The following DNAH14 variants were observed in gnomAD, a reference collection of about 807,000 sequenced individuals.
The protein encoded by DNAH14 is dynein axonemal heavy chain 14, also known as axonemal beta dynein heavy chain 14.
In DNAH14, 478 loss-of-function variants were observed where a neutral mutation model predicts 520.9. The ratio of observed to expected loss-of-function variants is 0.92; its 90% confidence interval spans 0.85 to 0.99. DNAH14 has a LOEUF of 0.99. Among genes scored for constraint, DNAH14 ranks in the 50% least tolerant of loss-of-function variants. The pLI is 0.00. For missense variants in DNAH14, 4,831 were observed against 5,234.5 expected, an observed-to-expected ratio of 0.92 and a Z score of 2.38; for synonymous variants, 1,581 against 1,757.2, an observed-to-expected ratio of 0.90 and a Z score of 2.51.
chr1:225,164,434 C>T (rs73135009), intron 35 of DNAH14, among the ~76,000 whole-genome samples: 1,976 of 151,974 alleles, frequency 0.013, 36 homozygotes, highest in African/African-American at 0.045. Flanking sequence ...TATTGATGGC[C>T]TTTGTTTTCT....
chr1:225,030,664 G>A (rs1214483314), intron 11 of DNAH14, among the ~76,000 whole-genome samples: 2 of 151,820 alleles, frequency 1.3e-5, no homozygotes, highest in African/African-American at 4.8e-5. Flanking sequence ...CTAACATCTG[G>A]TAGAAAATTG....
intron 23 of DNAH14, among the ~76,000 whole-genome samples, chr1:225,103,353 G>A (rs777682146): frequency 1.3e-5 from 2 of 152,192 alleles, no homozygotes; most frequent in African/African-American, 2.4e-5. Context: ...TTTTGGCTTA[G>A]CATTGACTTG....
chr1:224,984,561 G>T (rs2062491703), intron 8 of DNAH14, among the ~76,000 whole-genome samples: 1 of 152,292 alleles, frequency 6.6e-6, no homozygotes, highest in South Asian at 2.1e-4. Context: ...TTAAACTAAA[G>T]AGCTCTTGCA....
chr1:225,227,103 C>T (rs186920337), intron 41 of DNAH14, among the ~76,000 whole-genome samples: 1 of 151,996 alleles, frequency 6.6e-6, no homozygotes, highest in Non-Finnish European at 1.5e-5. Context: ...GAGACAGATG[C>T]CTTCCTCTTA....
intron 82 of DNAH14, 95 bp from the exon 83 acceptor site, chr1:225,389,635 AAAGT>A: frequency 7.3e-7 from 1 of 1,362,798 alleles, no homozygotes; most frequent in Non-Finnish European, 9.9e-7. Context: ...ATCGAAATGA[AAAGT>A]AAAAGAAGGG....
intron 60 of DNAH14, among the ~76,000 whole-genome samples, chr1:225,311,167 G>A (rs1344562945): frequency 6.6e-6 from 1 of 152,098 alleles, no homozygotes; most frequent in Non-Finnish European, 1.5e-5. Flanking sequence ...GTATCTCATT[G>A]TGGTTTTGAT....
chr1:225,216,432 A>C (rs1454837340), intron 41 of DNAH14, among the ~76,000 whole-genome samples: 1 of 152,074 alleles, frequency 6.6e-6, no homozygotes, highest in Non-Finnish European at 1.5e-5. Context: ...CTGAATTTGA[A>C]TGTTGGCCTG....
At position 225,254,496 on chromosome 1, in the gene DNAH14, T is replaced by C. The variant is rs571739957; in HGVS notation, c.6865+2079T>C. 3.9e-5 allele frequency among the ~76,000 whole-genome samples: 6 copies of C among 152,316 alleles called. No individual in the cohort carries two copies. In the East Asian group the frequency reaches 7.7e-4, roughly 20 times the overall value. On this transcript the variant is annotated intron_variant, in intron 44 of 85. Coordinates refer to ENST00000682510, the MANE Select transcript of DNAH14 (RefSeq NM_001367479.1). The stretch of plus-strand genomic sequence containing the variant: ...GCTGTGATATCTGGGAGACAGACCA[T>C]GTGCTGTAACTCTAGGGAAAGTGGC...
chr1:225,080,143 C>A (rs528075140), intron 18 of DNAH14, among the ~76,000 whole-genome samples: 6 of 152,256 alleles, frequency 3.9e-5, no homozygotes, highest in African/African-American at 1.4e-4. Flanking sequence ...GTGACTTTTA[C>A]CATAGGCTTC....
At chr1:225,390,878 A>T (rs1440276997) in intron 83 of DNAH14, among the ~76,000 whole-genome samples, 2 of 152,096 alleles carry the variant, frequency 1.3e-5, no homozygotes, top group Non-Finnish European at 2.9e-5. Flanking sequence ...AAGTCATATC[A>T]CTAGCAAAAA....
At chr1:225,113,527 C>T (rs533647958) in intron 23 of DNAH14, among the ~76,000 whole-genome samples, 10 of 152,334 alleles carry the variant, frequency 6.6e-5, no homozygotes, top group African/African-American at 2.2e-4. Flanking sequence ...GCATAATCAG[C>T]AGGTGGTGAA....
chr1:225,213,226 T>G (rs1203613245), intron 41 of DNAH14, among the ~76,000 whole-genome samples: 1 of 152,144 alleles, frequency 6.6e-6, no homozygotes, highest in Non-Finnish European at 1.5e-5. Flanking sequence ...TGTAGATGTG[T>G]GGTATTATTT....
intron 11 of DNAH14, among the ~76,000 whole-genome samples, chr1:225,031,566 C>G (rs972330058): frequency 6.6e-6 from 1 of 151,754 alleles, no homozygotes; most frequent in African/African-American, 2.4e-5. Context: ...GTCTAAAAAG[C>G]TAAAAGAAGG....
intron 27 of DNAH14, among the ~76,000 whole-genome samples, chr1:225,139,892 A>G (rs757274595): frequency 6.6e-6 from 1 of 152,122 alleles, no homozygotes; most frequent in Non-Finnish European, 1.5e-5. Context: ...TCTAACCCTC[A>G]GTCTCTAGCA....
chr1:225,068,407 A>AG (rs34547416), intron 17 of DNAH14, among the ~76,000 whole-genome samples: 121,272 of 152,034 alleles, frequency 0.8, 51,717 homozygotes, highest in Non-Finnish European at 0.96. Context: ...GTTCTCTTTG[A>AG]TTGGATTGTC....
chr1:224,959,897 C>T (rs2060737697), intron 3 of DNAH14, among the ~76,000 whole-genome samples: 1 of 152,116 alleles, frequency 6.6e-6, no homozygotes, highest in Non-Finnish European at 1.5e-5. Flanking sequence ...CTATGAGGTT[C>T]TTACTGTGAC....
At position 225,085,711 on chromosome 1, in the gene DNAH14, T is replaced by A. The variant is rs530485144; in HGVS notation, c.3495T>A (p.Asp1165Glu). ...IYSIFIIPSI[D>E]DISAQLEESQ... ...CTATCTTCATAATTCCATCTATAGA[T>A]GACATATCAGCTCAGTTAGAAGAGT... Residue 1165 changes from aspartate to glutamate, a missense_variant, in exon 21 of 86, where the codon GAT (aspartate) becomes GAA (glutamate). Coordinates refer to ENST00000682510, the MANE Select transcript of DNAH14 (RefSeq NM_001367479.1). 3.2e-5 allele frequency: 50 copies of A among 1,551,502 alleles called. No homozygotes were observed. In the African/African-American group the frequency reaches 6.4e-4, roughly 20 times the overall value.
intron 84 of DNAH14, among the ~76,000 whole-genome samples, chr1:225,394,779 GGT>G (rs2095981300): frequency 6.6e-6 from 1 of 151,748 alleles, no homozygotes; most frequent in Admixed American, 6.6e-5. Context: ...GGGAGGCAGA[GGT>G]TGCAGTGAGC....
At chr1:224,984,250 T>C (rs984377124) in intron 8 of DNAH14, among the ~76,000 whole-genome samples, 2 of 151,970 alleles carry the variant, frequency 1.3e-5, no homozygotes, top group Non-Finnish European at 2.9e-5. Flanking sequence ...ATACTTACAG[T>C]CAACTGATCT....
Sources: allele counts gnomAD v4.1 joint callset (sites outside exome capture counted in the v4.1 genomes callset), GRCh38; gene constraint gnomAD v4.1.1; transcripts MANE v1.5; gene names NCBI Gene and HGNC (gene_info 2026-07-23, HGNC 2026-07-21).